Variants in CYP20A1 observed in about 807,000 individuals in gnomAD.
CYP20A1 encodes the protein cytochrome P450 family 20 subfamily A member 1.
Under a neutral mutation model 61.4 loss-of-function variants are expected in CYP20A1, and 61 were observed. The ratio of observed to expected loss-of-function variants is 0.99; its 90% CI spans 0.81 to 1.23. The LOEUF is 1.23. CYP20A1 is among the 50% of genes most tolerant of loss of function. CYP20A1 has a pLI of 0.00. For missense variants in CYP20A1, 530 were observed against 542.4 expected (o/e 0.98, Z 0.23); for synonymous variants, 193 against 188.2 (o/e 1.03, Z -0.21).
intron 1 of CYP20A1, among the ~76,000 whole-genome samples, chr2:203,241,105 A>G (rs1325248484): frequency 6.6e-6 from 1 of 152,174 alleles, no homozygotes; most frequent in African/African-American, 2.4e-5. Flanking sequence ...TGGATGTGAA[A>G]TGTGAAAGAG....
At chr2:203,286,052 A>T (rs1186431861) in intron 9 of CYP20A1, among the ~76,000 whole-genome samples, 3 of 152,200 alleles carry the variant, frequency 2.0e-5, no homozygotes, top group African/African-American at 7.2e-5. Context: ...TCACACCTGT[A>T]ATCCCAGCAC....
chr2:203,242,506 T>C (rs527559621), intron 1 of CYP20A1, among the ~76,000 whole-genome samples: 121 of 152,216 alleles, frequency 7.9e-4, no homozygotes, highest in Non-Finnish European at 1.4e-3. Context: ...AAGAAGCTTA[T>C]GGCCAGCACG....
intron 2 of CYP20A1, 33 bp from the exon 3 acceptor site, chr2:203,246,722 T>G (rs777283840): frequency 4.4e-6 from 7 of 1,596,018 alleles, no homozygotes; most frequent in Non-Finnish European, 6.0e-6. Context: ...CAAATTAAAT[T>G]GATTATTTTG....
At chr2:203,256,468 T>A (rs1045440620) in intron 4 of CYP20A1, among the ~76,000 whole-genome samples, 2 of 152,182 alleles carry the variant, frequency 1.3e-5, no homozygotes, top group East Asian at 1.9e-4. Flanking sequence ...CAAGCAATTC[T>A]CCTTCCTTAA....
intron 4 of CYP20A1, among the ~76,000 whole-genome samples, chr2:203,265,995 C>T (rs6713579): frequency 0.89 from 135,980 of 152,144 alleles, 61,613 homozygotes; most frequent in Non-Finnish European, 0.96. Context: ...CGGCCTAAAG[C>T]TTGTTTGTAA....
At position 203,257,153 on chromosome 2, in the gene CYP20A1, A is replaced by G. The variant is rs2066922270; in HGVS notation, c.432+5044A>G. Among the ~76,000 whole-genome samples the G allele has an allele frequency of 3.3e-5, 5 of 152,010 alleles. No homozygotes were observed. The South Asian group carries it at 6.2e-4, about 19-fold the overall frequency. On this transcript the variant is annotated intron_variant, in intron 4 of 12. Coordinates refer to ENST00000356079, the MANE Select transcript of CYP20A1 (RefSeq NM_177538.3). Reference sequence around the variant, plus strand: ...CGTGATGAGACCCTGTCTCTACAAAAAAAAAAAGAGAAAAATTAGCTGAGC... The same window carrying G: ...CGTGATGAGACCCTGTCTCTACAAAGAAAAAAAGAGAAAAATTAGCTGAGC...
chr2:203,304,388 G>T lies in CYP20A1; in HGVS notation c.*7480G>T, dbSNP rs926532167. ...AATTTTTTGTATTTTTAGTAGAGAC[G>T]GGGTTTCACCATGTTAGCCAGGATG... On this transcript the variant is annotated 3_prime_UTR_variant, in exon 13 of 13. Coordinates refer to ENST00000356079, the MANE Select transcript of CYP20A1 (RefSeq NM_177538.3). Among the ~76,000 whole-genome samples, 1 of 152,052 alleles carries T rather than the reference G, an allele frequency of 6.6e-6. No individual in the cohort carries two copies. Among genetic ancestry groups the T allele is most frequent in the Non-Finnish European group, 1.5e-5 (1 of 68,020 alleles).
chr2:203,288,228 G>A (rs1186323748), intron 9 of CYP20A1, among the ~76,000 whole-genome samples: 1 of 151,214 alleles, frequency 6.6e-6, no homozygotes, highest in Non-Finnish European at 1.5e-5. Context: ...ACCACACCTA[G>A]CTATTTTTTG....
At chr2:203,254,587 G>A (rs1312515003) in intron 4 of CYP20A1, among the ~76,000 whole-genome samples, 1 of 151,602 alleles carries the variant, frequency 6.6e-6, no homozygotes, top group African/African-American at 2.4e-5. Context: ...GGTGTTTTGT[G>A]TGCACAATAG....
Position 203,297,824 on chromosome 2 carries a change from C to G in CYP20A1, c.*916C>G, listed in dbSNP as rs918412907. On this transcript the variant is annotated 3_prime_UTR_variant, in exon 13 of 13. Coordinates refer to ENST00000356079, the MANE Select transcript of CYP20A1 (RefSeq NM_177538.3). ...GAAACCCCATCTCTACTGAAAAACA[C>G]ACACAAAAAAATTAGCTGGGCATGG... 4.6e-5 allele frequency: 7 copies of G among 151,826 alleles called. No individual in the cohort carries two copies. Among genetic ancestry groups the G allele is most frequent in the African/African-American group, 1.7e-4 (7 of 41,276 alleles). 9.4% of individuals were successfully genotyped at this position (151,826 alleles called of 1,614,324 possible). A position where few individuals can be genotyped will look rare whatever the true frequency, so the allele number is the denominator to read the frequency against.
rs574416192 is a variant in CYP20A1, at chr2:203,257,291, G to T, written c.432+5182G>T. ...GCCAAGGTTGCGCCACTGCACTCTA[G>T]CCTAGGCGACTGTGAGACACTGTCT... On this transcript the variant is annotated intron_variant, in intron 4 of 12. Transcript: ENST00000356079. Among the ~76,000 whole-genome samples the T allele has an allele frequency of 3.3e-5, 5 of 150,554 alleles. No individual in the cohort carries two copies. The South Asian group carries it at 1.0e-3, about 32-fold the overall frequency.
chr2:203,262,569 C>A (rs569049288), intron 4 of CYP20A1, among the ~76,000 whole-genome samples: 8 of 151,794 alleles, frequency 5.3e-5, no homozygotes, highest in Non-Finnish European at 1.2e-4. Flanking sequence ...TTTCTAGTTT[C>A]TTGAGATGAT....
intron 9 of CYP20A1, among the ~76,000 whole-genome samples, chr2:203,287,749 T>C (rs1575262004): frequency 6.6e-6 from 1 of 152,118 alleles, no homozygotes; most frequent in South Asian, 2.1e-4. Flanking sequence ...AGCTCTAATA[T>C]AGCTTATGAA....
At chr2:203,293,978 A>G (rs1309260515) in intron 11 of CYP20A1, among the ~76,000 whole-genome samples, 1 of 151,332 alleles carries the variant, frequency 6.6e-6, no homozygotes, top group Non-Finnish European at 1.5e-5. Context: ...TTTATTTTTT[A>G]TTTTTATTGT....
intron 4 of CYP20A1, among the ~76,000 whole-genome samples, chr2:203,253,857 A>G (rs780381718): frequency 5.3e-5 from 8 of 150,408 alleles, no homozygotes; most frequent in Non-Finnish European, 1.2e-4. Flanking sequence ...TTTGGAGCCT[A>G]TTCCTTTGGC....
At chr2:203,267,452 T>G (rs998277492) in intron 5 of CYP20A1, among the ~76,000 whole-genome samples, 1 of 148,832 alleles carries the variant, frequency 6.7e-6, no homozygotes, top group African/African-American at 2.5e-5. Context: ...CAGAATTGCC[T>G]GAACCCAGGT....
rs577935028 is a variant in CYP20A1 at position 203,303,300 on chromosome 2, C to T, written c.*6392C>T. Reference sequence around the variant, plus strand: ...GATTACAGGCATGAGCCACTGTGCCCGGCCATTTTTTTGTGTTTTTAGTGG... The same window carrying T: ...GATTACAGGCATGAGCCACTGTGCCTGGCCATTTTTTTGTGTTTTTAGTGG... On this transcript the variant is annotated 3_prime_UTR_variant, in exon 13 of 13. Coordinates refer to ENST00000356079, the MANE Select transcript of CYP20A1 (RefSeq NM_177538.3). Among the ~76,000 whole-genome samples the T allele has an allele frequency of 2.6e-5, 4 of 152,114 alleles. No homozygotes were observed. The highest frequency in any genetic ancestry group is 2.1e-4 in the South Asian group (1 of 4,802).
chr2:203,250,944 G>A (rs1342975337), intron 3 of CYP20A1, among the ~76,000 whole-genome samples: 1 of 151,162 alleles, frequency 6.6e-6, no homozygotes, highest in Non-Finnish European at 1.5e-5. Flanking sequence ...GGAGCCTGTA[G>A]TCCCAGCTAC....
chr2:203,239,340 C>T (rs1326622249), intron 1 of CYP20A1, among the ~76,000 whole-genome samples: 1 of 151,932 alleles, frequency 6.6e-6, no homozygotes, highest in Non-Finnish European at 1.5e-5. Context: ...TGGGCTGCGT[C>T]GCTACCCCTC....
Sources: allele counts gnomAD v4.1 joint callset (sites outside exome capture counted in the v4.1 genomes callset), GRCh38; gene constraint gnomAD v4.1.1; transcripts MANE v1.5; gene names NCBI Gene and HGNC (gene_info 2026-07-23, HGNC 2026-07-21).